The following ENPP2 variants were observed in gnomAD, a reference collection of about 807,000 sequenced individuals.
ENPP2 encodes ectonucleotide pyrophosphatase/phosphodiesterase 2, also known as autotaxin.
Under a neutral mutation model 120.2 loss-of-function variants are expected in ENPP2, and 51 were observed. The ratio of observed to expected loss-of-function variants is 0.42; its 90% CI spans 0.34 to 0.54. ENPP2 has a LOEUF of 0.54. Ranked by LOEUF, ENPP2 falls within the 20% of genes least tolerant of loss-of-function variation. The pLI is 0.04. For synonymous variants in ENPP2, 365 were observed against 366.4 expected (o/e 1.00, Z 0.04); for missense variants, 920 against 1,066.5 (o/e 0.86, Z 1.91).
upstream of ENPP2, among the ~76,000 whole-genome samples, chr8:119,641,230 G>A (rs1182142717): frequency 6.6e-6 from 1 of 151,828 alleles, no homozygotes; most frequent in South Asian, 2.1e-4. Context: ...TAAATTAACT[G>A]TCAGGAGAAT....
intron 2 of ENPP2, among the ~76,000 whole-genome samples, chr8:119,637,367 C>T (rs1817061702): frequency 6.6e-6 from 1 of 152,152 alleles, no homozygotes; most frequent in Non-Finnish European, 1.5e-5. Context: ...CACTTCAATT[C>T]ACTAATTCAC....
upstream of ENPP2, among the ~76,000 whole-genome samples, chr8:119,639,305 C>T (rs968714660): frequency 2.0e-5 from 3 of 152,148 alleles, no homozygotes; most frequent in Non-Finnish European, 2.9e-5. Context: ...TAATAACGTT[C>T]CTGTCTTTCC....
At position 119,569,346 on chromosome 8, in the gene ENPP2, G is replaced by T. The variant is rs1227078478; in HGVS notation, c.1942C>A (p.His648Asn). ...KQAEVSSVPD[H>N]LTSCVRPDVR... ...TCAGGCCGGACGCAACTGGTCAGAT[G>T]GTCAGGAACGCTGGAAACCTCAGCC... is the stretch of plus-strand genomic sequence containing the variant. The change falls in exon 21 of 25, where the codon CAT (histidine) becomes AAT (asparagine). Residue 648 changes from histidine to asparagine, a missense_variant. By Grantham distance (68) the His-to-Asn change is moderately conservative. Transcript: ENST00000075322. 5.6e-6 allele frequency: 9 copies of T among 1,613,968 alleles called. No homozygotes were observed. Among genetic ancestry groups the T allele is most frequent in the Non-Finnish European group, 7.6e-6 (9 of 1,179,978 alleles).
intron 12 of ENPP2, chr8:119,593,047 C>A (rs752555346): frequency 2.3e-4 from 147 of 650,952 alleles, no homozygotes; most frequent in Non-Finnish European, 2.7e-4. Context: ...CAGGAGATAC[C>A]CTTTAGAACT....
intron 11 of ENPP2, among the ~76,000 whole-genome samples, chr8:119,597,498 A>G (rs544821269): frequency 6.6e-6 from 1 of 152,304 alleles, no homozygotes; most frequent in East Asian, 1.9e-4. Flanking sequence ...CATGAAAGCT[A>G]AGTTTTCACT....
intron 9 of ENPP2, among the ~76,000 whole-genome samples, chr8:119,605,425 CAT>C (rs201431351): frequency 0.011 from 1,579 of 141,638 alleles, 35 homozygotes; most frequent in Admixed American, 0.031. Flanking sequence ...ATGAAGATAC[CAT>C]ATATGTGTGT....
chr8:119,570,796 C>G lies in ENPP2; in HGVS notation c.1826G>C (p.Arg609Thr), dbSNP rs747625040. 1 of 1,585,712 alleles carries G rather than the reference C, an allele frequency of 6.3e-7. No individual in the cohort carries two copies. ...YGRPAVLYRT[R>T]YDILYHTDFE... ...GTCAGTGTGATATAAGATATCATAT[C>G]TAGTCCGATAAAGCACTGCAGGTCG... is the stretch of plus-strand genomic sequence containing the variant. Residue 609 changes from arginine (R) to threonine (T), a missense_variant, in exon 20 of 25, where the codon AGA becomes ACA. Transcript: ENST00000075322.
chr8:119,580,873 A>G (rs531050340), intron 18 of ENPP2: 5 of 152,372 alleles, frequency 3.3e-5, no homozygotes, highest in Admixed American at 2.6e-4. Context: ...TGCAGGATAC[A>G]TATAGTATAA....
intron 19 of ENPP2, among the ~76,000 whole-genome samples, chr8:119,577,610 AAT>A (rs1256724415): frequency 6.6e-6 from 1 of 152,238 alleles, no homozygotes; most frequent in Non-Finnish European, 1.5e-5. Context: ...TAATAAGACA[AAT>A]ATTTTTGAAG....
intron 18 of ENPP2, 81 bp from the exon 19 acceptor site, chr8:119,580,248 G>T: frequency 9.4e-7 from 1 of 1,064,838 alleles, no homozygotes; most frequent in Non-Finnish European, 1.5e-6. Context: ...TGTCGACTTA[G>T]CACCCTGCTA....
intron 19 of ENPP2, among the ~76,000 whole-genome samples, chr8:119,578,088 T>G (rs910538206): frequency 3.3e-5 from 5 of 152,232 alleles, no homozygotes; most frequent in Admixed American, 6.5e-5. Flanking sequence ...TCTCGCTCTG[T>G]CGCCCAGGTT....
intron 1 of ENPP2, among the ~76,000 whole-genome samples, chr8:119,645,398 T>C (rs1000074820): frequency 2.6e-5 from 4 of 152,238 alleles, no homozygotes; most frequent in Non-Finnish European, 5.9e-5. Context: ...CCAGACACCA[T>C]ATCTACAGAT....
At chr8:119,598,784 G>T (rs988971085) in intron 11 of ENPP2, among the ~76,000 whole-genome samples, 24 of 152,172 alleles carry the variant, frequency 1.6e-4, no homozygotes, top group Admixed American at 8.5e-4. Flanking sequence ...TGGACTGCAG[G>T]AGGGTTAAAT....
At position 119,624,116 on chromosome 8, in the gene ENPP2, T is replaced by C. The variant is rs538706750; in HGVS notation, c.292+2449A>G. Among the ~76,000 whole-genome samples the C allele has an allele frequency of 2.3e-4, 35 of 152,324 alleles. No individual in the cohort carries two copies. In the Middle Eastern group the frequency reaches 0.014, roughly 59 times the overall value. ...CACCAATAAACTTTTATTCCACTCCTAATTCCATAAGAAAATCACATCTAC... is the reference window on the plus strand; with the variant it reads ...CACCAATAAACTTTTATTCCACTCCCAATTCCATAAGAAAATCACATCTAC... On this transcript the variant is annotated intron_variant, in intron 3 of 24. Transcript: ENST00000075322.
intron 1 of ENPP2, among the ~76,000 whole-genome samples, chr8:119,648,237 A>G (rs1293825481): frequency 6.6e-6 from 1 of 152,206 alleles, no homozygotes; most frequent in Non-Finnish European, 1.5e-5. Context: ...TATATAAGAG[A>G]GCAAGGTCTG....
At chr8:119,567,049 C>T (rs759553570) in intron 22 of ENPP2, among the ~76,000 whole-genome samples, 9 of 152,208 alleles carry the variant, frequency 5.9e-5, no homozygotes, top group South Asian at 2.1e-4. Flanking sequence ...ACTCCACAAT[C>T]GCCCATTCCT....
rs751567777 is a variant in ENPP2, at chr8:119,638,745, C to T, written c.33+3G>A. 6.4e-5 allele frequency: 100 copies of T among 1,557,694 alleles called. No homozygotes were observed. The highest frequency in any genetic ancestry group is 5.3e-5 in the Non-Finnish European group (60 of 1,128,448). ...GTCCCCCGTCATTCCTCCGTTCTCCCACCTGACACGACTGGAACGAGCTCC... is the reference window on the plus strand; with the variant it reads ...GTCCCCCGTCATTCCTCCGTTCTCCTACCTGACACGACTGGAACGAGCTCC... On this transcript the variant is annotated splice_donor_region_variant and intron_variant, in intron 1 of 24. Transcript: ENST00000075322.
intron 19 of ENPP2, among the ~76,000 whole-genome samples, chr8:119,576,216 G>A (rs1024473732): frequency 6.6e-6 from 1 of 152,134 alleles, no homozygotes; most frequent in South Asian, 2.1e-4. Context: ...TCGACTCACT[G>A]CACCTCCACC....
chr8:119,601,366 C>T (rs1403237683), intron 10 of ENPP2, 31 bp downstream of exon 10: 2 of 1,409,372 alleles, frequency 1.4e-6, no homozygotes, highest in Admixed American at 1.7e-5. Context: ...TAGAAATGTA[C>T]TGAAGAAAGA....
Sources: gnomAD v4.1 joint callset for allele counts (sites outside exome capture counted in the v4.1 genomes callset) on GRCh38, gnomAD v4.1.1 for gene constraint, MANE v1.5 for transcripts, NCBI Gene and HGNC (gene_info 2026-07-23, HGNC 2026-07-21) for gene names.